The following PIEZO2 variants were observed in gnomAD, a reference collection of about 807,000 sequenced individuals.
PIEZO2 encodes the protein piezo-type mechanosensitive ion channel component 2.
Under a neutral mutation model 337.3 loss-of-function variants are expected in PIEZO2, and 172 were observed. The ratio of observed to expected loss-of-function variants is 0.51; its 90% CI spans 0.45 to 0.58. PIEZO2 has a LOEUF of 0.58. Ranked by LOEUF, PIEZO2 falls within the 20% of genes least tolerant of loss-of-function variation. The pLI is 0.00. For missense variants in PIEZO2, 3,028 were observed against 3,391.3 expected (o/e 0.89, Z 2.66); for synonymous variants, 1,251 against 1,228.5 (o/e 1.02, Z -0.38).
Position 10,800,440 on chromosome 18 carries a change from A to G in PIEZO2, c.1275T>C (p.Asp425=). ...LLVTVNGNPV[D]YHTIHPSLPM... is the part of the protein sequence containing the mutation. Reference sequence around the variant, plus strand: ...GCAGGCTTGGGTGGATGGTGTGGTAATCCACGGGGTTGCCGTTCACAGTCA... The same window carrying G: ...GCAGGCTTGGGTGGATGGTGTGGTAGTCCACGGGGTTGCCGTTCACAGTCA... The change falls in exon 11 of 56, where the codon GAT becomes GAC. Residue 425 remains aspartate (D), a synonymous_variant. Transcript: ENST00000674853. 1 of 1,535,498 alleles carries G rather than the reference A, an allele frequency of 6.5e-7. No individual in the cohort carries two copies. The highest frequency in any genetic ancestry group is 8.7e-7 in the Non-Finnish European group (1 of 1,146,168).
intron 4 of PIEZO2, among the ~76,000 whole-genome samples, chr18:10,879,775 A>C (rs1279853200): frequency 6.6e-6 from 1 of 152,148 alleles, no homozygotes; most frequent in Non-Finnish European, 1.5e-5. Flanking sequence ...GGAAGCTGAA[A>C]TTTCTAAATA....
intron 1 of PIEZO2, among the ~76,000 whole-genome samples, chr18:11,091,518 C>T (rs2039091270): frequency 6.6e-6 from 1 of 152,014 alleles, no homozygotes; most frequent in African/African-American, 2.4e-5. Context: ...AAGATTTTTA[C>T]ATTGAAAAAA....
intron 4 of PIEZO2, among the ~76,000 whole-genome samples, chr18:10,896,605 A>G (rs1441828281): frequency 6.6e-6 from 1 of 152,206 alleles, no homozygotes; most frequent in Non-Finnish European, 1.5e-5. Context: ...AGCATCTGGA[A>G]GAAGCCACTG....
Position 11,101,716 on chromosome 18 carries a change from T to C in PIEZO2, c.65-35494A>G, listed in dbSNP as rs1350102216. Reference sequence around the variant, plus strand: ...ATTTCCTAAAGCATTTAAGTCGAGATGGTCATTTTTCTCTTAGGTTATTGT... The same window carrying C: ...ATTTCCTAAAGCATTTAAGTCGAGACGGTCATTTTTCTCTTAGGTTATTGT... On this transcript the variant is annotated intron_variant, in intron 1 of 55. Transcript: ENST00000674853. This position sits in a 1 kb window ranked among gnomAD's most constrained non-coding sequence, Gnocchi z 4.4. Among the ~76,000 whole-genome samples, 2 of 152,234 alleles carry C rather than the reference T, an allele frequency of 1.3e-5. No homozygotes were observed. The highest frequency in any genetic ancestry group is 3.8e-4 in the East Asian group (2 of 5,200).
chr18:10,874,941 A>G (rs561982377), intron 4 of PIEZO2, among the ~76,000 whole-genome samples: 64 of 152,348 alleles, frequency 4.2e-4, no homozygotes, highest in African/African-American at 1.5e-3. Context: ...TTTATTATAT[A>G]TTTCAAAATA....
chr18:11,148,601 G>T lies in PIEZO2; in HGVS notation c.-13C>A. On this transcript the variant is annotated 5_prime_UTR_variant, in exon 1 of 56. Coordinates refer to ENST00000674853, the MANE Select transcript of PIEZO2 (RefSeq NM_001378183.1). The surrounding 1 kb of genome is among the most constrained non-coding windows in gnomAD (Gnocchi z 5.2). ...CTTCTGAGGCCATCGCGTCGGTCCGGCGAGTCGGAGCAGAGGGGCGAGGCT... is the reference window on the plus strand; with the variant it reads ...CTTCTGAGGCCATCGCGTCGGTCCGTCGAGTCGGAGCAGAGGGGCGAGGCT... The T allele has an allele frequency of 6.5e-7, 1 of 1,536,960 alleles. No homozygotes were observed. Among genetic ancestry groups the T allele is most frequent in the Non-Finnish European group, 8.7e-7 (1 of 1,146,840 alleles).
Position 10,726,495 on chromosome 18 carries a change from T to A in PIEZO2, c.5029+4912A>T, listed in dbSNP as rs1471235058. ...CTGGCCACCCTGCACAGCGTGCTGC[T>A]CCGCAAGCAGCCGTTCCTGTGGCGC... On this transcript the variant is annotated intron_variant, in intron 36 of 55. Coordinates refer to ENST00000674853, the MANE Select transcript of PIEZO2 (RefSeq NM_001378183.1). This position sits in a 1 kb window ranked among gnomAD's most constrained non-coding sequence, Gnocchi z 5.9. 4.0e-6 allele frequency: 6 copies of A among 1,502,246 alleles called. No individual in the cohort carries two copies. Among genetic ancestry groups the A allele is most frequent in the Non-Finnish European group, 5.3e-6 (6 of 1,131,276 alleles). 93.1% of individuals were successfully genotyped at this position (1,502,246 alleles called of 1,614,324 possible).
chr18:10,991,538 T>C (rs1332794890), intron 2 of PIEZO2, among the ~76,000 whole-genome samples: 1 of 152,174 alleles, frequency 6.6e-6, no homozygotes, highest in African/African-American at 2.4e-5. Context: ...GCTTCATCCA[T>C]GTCCCTGCAA....
chr18:10,672,785 T>G lies in PIEZO2; in HGVS notation c.8250A>C (p.Gly2750=). The G allele has an allele frequency of 6.2e-7, 1 of 1,614,096 alleles. No individual in the cohort carries two copies. Among genetic ancestry groups the G allele is most frequent in the Non-Finnish European group, 8.5e-7 (1 of 1,179,946 alleles). Residue 2750 remains glycine (G), a synonymous_variant, in exon 55 of 56, where the codon GGA becomes GGC. Transcript: ENST00000674853. The surrounding 1 kb of genome is among the most constrained non-coding windows in gnomAD (Gnocchi z 4.7). ...NSEWWVLNLT[G]NRIYNPNSQA... ...GAGAGTTCGGATTGTATATTCTGTT[T>G]CCAGTCAGGTTGAGAACCCACCACT...
chr18:11,140,005 C>A (rs934115627), intron 1 of PIEZO2, among the ~76,000 whole-genome samples: 2 of 152,166 alleles, frequency 1.3e-5, no homozygotes, highest in Admixed American at 6.5e-5. Flanking sequence ...GATGGCAATG[C>A]ACCCACCTGG....
chr18:11,117,791 C>T lies in PIEZO2; in HGVS notation c.64+30734G>A, dbSNP rs1229033308. 3.3e-5 allele frequency among the ~76,000 whole-genome samples: 5 copies of T among 152,134 alleles called. No homozygotes were observed. In the East Asian group the frequency reaches 5.8e-4, roughly 18 times the overall value. ...CTCTTCTTTAGGTGTCAGTCTTCAG[C>T]GGGAGCATCACTGAGTCCCACAGAG... On this transcript the variant is annotated intron_variant, in intron 1 of 55. Transcript: ENST00000674853.
At position 11,131,146 on chromosome 18, in the gene PIEZO2, T is replaced by C. The variant is rs535598347; in HGVS notation, c.64+17379A>G. ...ACACTGGACTTTGGTGGAAACTGAA[T>C]GTTTGACTATCGGTCATCAAGTCAC... On this transcript the variant is annotated intron_variant, in intron 1 of 55. Coordinates refer to ENST00000674853, the MANE Select transcript of PIEZO2 (RefSeq NM_001378183.1). This position sits in a 1 kb window ranked among gnomAD's most constrained non-coding sequence, Gnocchi z 5.3. 8.5e-5 allele frequency among the ~76,000 whole-genome samples: 13 copies of C among 152,364 alleles called. No individual in the cohort carries two copies. The East Asian group carries it at 2.3e-3, about 27-fold the overall frequency.
In PIEZO2 at chr18:10,979,768, G is replaced by A. The variant is rs560405511; in HGVS notation, c.161-108C>T. 2.1e-6 allele frequency: 2 copies of A among 966,576 alleles called. No individual in the cohort carries two copies. Among genetic ancestry groups the A allele is most frequent in the South Asian group, 8.0e-5 (2 of 25,088 alleles). The allele number at this position is 966,576 out of a possible 1,614,324, so 59.9% of individuals were successfully genotyped here. On this transcript the variant is annotated intron_variant, in intron 2 of 55. Coordinates refer to ENST00000674853, the MANE Select transcript of PIEZO2 (RefSeq NM_001378183.1). The surrounding 1 kb of genome is among the most constrained non-coding windows in gnomAD (Gnocchi z 4.0). ...ACCTATTAGATAGACCGACTCAAAA[G>A]TATATGGAATGTAATAATTATCATC...
rs1475242009 is a variant in PIEZO2, at chr18:11,093,081, A to G, written c.65-26859T>C. On this transcript the variant is annotated intron_variant, in intron 1 of 55. Coordinates refer to ENST00000674853, the MANE Select transcript of PIEZO2 (RefSeq NM_001378183.1). The stretch of plus-strand genomic sequence containing the variant: ...TTTCTGGAAACACTGCAGCTTCAGC[A>G]GCTTTGATTACCAGTGATACATTGG... Among the ~76,000 whole-genome samples the G allele has an allele frequency of 2.0e-5, 3 of 152,366 alleles. No homozygotes were observed. In the East Asian group the frequency reaches 5.8e-4, roughly 29 times the overall value.
intron 2 of PIEZO2, among the ~76,000 whole-genome samples, chr18:11,053,748 G>A (rs968718168): frequency 2.0e-5 from 3 of 152,110 alleles, no homozygotes; most frequent in Admixed American, 2.0e-4. Flanking sequence ...TTAATACCTC[G>A]GGCTGGGTGC....
chr18:10,939,836 A>G (rs2032624263), intron 3 of PIEZO2, among the ~76,000 whole-genome samples: 1 of 152,108 alleles, frequency 6.6e-6, no homozygotes, highest in South Asian at 2.1e-4. Context: ...TAAAACCTAG[A>G]TGATGAGTTG....
In PIEZO2 at chr18:11,109,498, T is replaced by A. The variant is rs2146135276; in HGVS notation, c.64+39027A>T. Among the ~76,000 whole-genome samples, 1 of 152,192 alleles carries A rather than the reference T, an allele frequency of 6.6e-6. No homozygotes were observed. The highest frequency in any genetic ancestry group is 1.5e-5 in the Non-Finnish European group (1 of 68,006). On this transcript the variant is annotated intron_variant, in intron 1 of 55. Transcript: ENST00000674853. The surrounding 1 kb of genome is among the most constrained non-coding windows in gnomAD (Gnocchi z 5.1). The stretch of plus-strand genomic sequence containing the variant: ...TGGGAGGCCGAGGTGGGTGGATCAC[T>A]TGAGGTCAGGGGTTTGAGACGACCC...
At chr18:11,043,242 C>T (rs944342757) in intron 2 of PIEZO2, among the ~76,000 whole-genome samples, 14 of 50,316 alleles carry the variant, frequency 2.8e-4, no homozygotes, top group Non-Finnish European at 5.0e-4. Context: ...TCCCTTTAAA[C>T]GCACACACAC....
At chr18:11,012,824 C>A (rs905751734) in intron 2 of PIEZO2, among the ~76,000 whole-genome samples, 1 of 152,306 alleles carries the variant, frequency 6.6e-6, no homozygotes, top group African/African-American at 2.4e-5. Flanking sequence ...GTGGAAAGAT[C>A]ACTTGAGCCC....
Sources: gnomAD v4.1 joint callset for allele counts (sites outside exome capture counted in the v4.1 genomes callset) on GRCh38, gnomAD v4.1.1 for gene constraint, Gnocchi (gnomAD v3.1) non-coding constraint, MANE v1.5 for transcripts, NCBI Gene and HGNC (gene_info 2026-07-23, HGNC 2026-07-21) for gene names.